SMAD1: variants seen among roughly 807,000 people sequenced by gnomAD.
SMAD1 encodes the protein MAD, mothers against decapentaplegic homolog 1.
Under a neutral mutation model 41.6 loss-of-function variants are expected in SMAD1, and 6 were observed. That is an observed-to-expected ratio of 0.14 (90% CI 0.08 to 0.28). The LOEUF is 0.28. Ranked by LOEUF, SMAD1 falls within the 10% of genes least tolerant of loss-of-function variation. SMAD1 has a pLI of 1.00. For synonymous variants in SMAD1, 206 were observed against 203.2 expected (o/e 1.01, Z -0.12); for missense variants, 379 against 582.6 (o/e 0.65, Z 3.60).
intron 1 of SMAD1, among the ~76,000 whole-genome samples, chr4:145,494,190 G>A (rs1473840829): frequency 1.3e-5 from 2 of 152,146 alleles, no homozygotes; most frequent in African/African-American, 4.8e-5. Flanking sequence ...TCGAACTCCT[G>A]ACCTTGGGAC....
At position 145,518,503 on chromosome 4, in the gene SMAD1, A is replaced by T. The variant is rs1047468233; in HGVS notation, c.400+3490A>T. Among the ~76,000 whole-genome samples, 3 of 85,406 alleles carry T rather than the reference A, an allele frequency of 3.5e-5. 1 individual carries two copies. The highest frequency in any genetic ancestry group is 6.6e-5 in the Non-Finnish European group (3 of 45,524). 56.0% of individuals were successfully genotyped at this position (85,406 alleles called of 152,430 possible). ...AAACTCCATCTCAAAAAAAAAAAAT[A>T]AAAATGTGCAAGGTGACTTAGCCCC... On this transcript the variant is annotated intron_variant, in intron 2 of 6. Coordinates refer to ENST00000302085, the MANE Select transcript of SMAD1 (RefSeq NM_005900.3).
chr4:145,500,550 A>G (rs72946716), intron 1 of SMAD1, among the ~76,000 whole-genome samples: 27,043 of 151,930 alleles, frequency 0.18, 5,482 homozygotes, highest in African/African-American at 0.49. Flanking sequence ...TACCACATTC[A>G]CGACGAGGCT....
rs1201607497 is a variant in SMAD1, at chr4:145,539,882, G to A, written c.479G>A (p.Gly160Glu). The change falls in exon 3 of 7, where the codon GGA becomes GAA. Residue 160 changes from glycine to glutamate, a missense_variant. This residue lies in a region of SMAD1 where 208 missense variants were observed against 210.5 expected (regional missense o/e 0.99). Transcript: ENST00000302085. ...CTCTTAGCTCAGTTCCGTAACTTAG[G>A]ACAAAATGAGCCTCACATGCCACTC... Reference protein sequence around the residue: ...HSLLAQFRNLGQNEPHMPLNA... With the variant: ...HSLLAQFRNLEQNEPHMPLNA... The A allele has an allele frequency of 6.2e-7, 1 of 1,613,892 alleles. No individual in the cohort carries two copies. The highest frequency in any genetic ancestry group is 1.1e-5 in the South Asian group (1 of 91,072).
intron 1 of SMAD1, among the ~76,000 whole-genome samples, chr4:145,493,781 A>G (rs1387579295): frequency 2.6e-5 from 4 of 152,194 alleles, no homozygotes; most frequent in Non-Finnish European, 5.9e-5. Context: ...GCACTGGACT[A>G]TGTTTTGGAT....
chr4:145,543,625 A>G (rs1732075120), intron 4 of SMAD1, among the ~76,000 whole-genome samples: 1 of 152,166 alleles, frequency 6.6e-6, no homozygotes, highest in Non-Finnish European at 1.5e-5. Flanking sequence ...CCAGCGCTGT[A>G]TATATCCTTA....
chr4:145,547,598 G>A (rs1345646501), intron 5 of SMAD1, among the ~76,000 whole-genome samples: 1 of 152,182 alleles, frequency 6.6e-6, no homozygotes, highest in Non-Finnish European at 1.5e-5. Flanking sequence ...TAGTAAACTT[G>A]ATTATTTCAT....
At chr4:145,557,439 G>A (rs940678280) in intron 6 of SMAD1, among the ~76,000 whole-genome samples, 1 of 152,130 alleles carries the variant, frequency 6.6e-6, no homozygotes, top group African/African-American at 2.4e-5. Flanking sequence ...GATAAAATGA[G>A]AATTTAATAA....
Position 145,526,074 on chromosome 4 carries a change from G to T in SMAD1, c.400+11061G>T, listed in dbSNP as rs541532538. Among the ~76,000 whole-genome samples, 7 of 152,304 alleles carry T rather than the reference G, an allele frequency of 4.6e-5. No individual in the cohort carries two copies. The East Asian group carries it at 1.3e-3, about 29-fold the overall frequency. On this transcript the variant is annotated intron_variant, in intron 2 of 6. Coordinates refer to ENST00000302085, the MANE Select transcript of SMAD1 (RefSeq NM_005900.3). ...TTCTTTATTCTTTCGCATGAGAAAA[G>T]ACATTTTTTTATCTAAATTGTGGCC...
In SMAD1 at chr4:145,539,654, T is replaced by G; in HGVS notation, c.401-150T>G. ...CATTTGTTCTTGAGGGTAAAATAGCTTTTCATTTGAATGATGCTTTTGAGT... is the reference window on the plus strand; with the variant it reads ...CATTTGTTCTTGAGGGTAAAATAGCGTTTCATTTGAATGATGCTTTTGAGT... On this transcript the variant is annotated intron_variant, in intron 2 of 6. Transcript: ENST00000302085. 2.6e-5 allele frequency: 19 copies of G among 728,116 alleles called. 1 individual carries two copies. Among genetic ancestry groups the G allele is most frequent in the Middle Eastern group, 3.9e-4 (1 of 2,558 alleles). The allele number at this position is 728,116 out of a possible 1,614,324, so 45.1% of individuals were successfully genotyped here. A position where few individuals can be genotyped will look rare whatever the true frequency, so the allele number is the denominator to read the frequency against.
intron 1 of SMAD1, among the ~76,000 whole-genome samples, chr4:145,487,098 G>A (rs1728514929): frequency 6.6e-6 from 1 of 152,112 alleles, no homozygotes; most frequent in Non-Finnish European, 1.5e-5. Flanking sequence ...TTTTCATTCT[G>A]GAGATGGAAA....
chr4:145,484,798 TATAAA>T (rs966932358), intron 1 of SMAD1: 2 of 152,198 alleles, frequency 1.3e-5, no homozygotes, highest in African/African-American at 4.8e-5. Flanking sequence ...TTAGGGACCT[TATAAA>T]ATATCAGTGG....
intron 1 of SMAD1, among the ~76,000 whole-genome samples, chr4:145,503,690 G>T (rs529017624): frequency 6.6e-6 from 1 of 152,118 alleles, no homozygotes. Flanking sequence ...TCCTTATAAC[G>T]TTGATGAGAA....
chr4:145,494,700 G>T (rs892426753), intron 1 of SMAD1, among the ~76,000 whole-genome samples: 2 of 152,194 alleles, frequency 1.3e-5, no homozygotes, highest in Non-Finnish European at 2.9e-5. Context: ...CACACAGTAG[G>T]TACTTGGTGA....
chr4:145,483,436 C>T (rs1461849244), intron 1 of SMAD1, among the ~76,000 whole-genome samples: 2 of 152,134 alleles, frequency 1.3e-5, no homozygotes, highest in Admixed American at 1.3e-4. Context: ...GTTGATTTTT[C>T]AAATTGTTTG....
At chr4:145,522,957 G>C (rs560655812) in intron 2 of SMAD1, among the ~76,000 whole-genome samples, 1 of 152,106 alleles carries the variant, frequency 6.6e-6, no homozygotes, top group Non-Finnish European at 1.5e-5. Flanking sequence ...GATTACAGGC[G>C]TGAGCCACCG....
At chr4:145,533,817 T>C (rs765716998) in intron 2 of SMAD1, among the ~76,000 whole-genome samples, 3 of 152,200 alleles carry the variant, frequency 2.0e-5, no homozygotes, top group Non-Finnish European at 2.9e-5. Context: ...CCTCATTTAA[T>C]CTCATTGAAA....
At chr4:145,512,840 G>A (rs1560737585) in intron 1 of SMAD1, among the ~76,000 whole-genome samples, 1 of 152,170 alleles carries the variant, frequency 6.6e-6, no homozygotes, top group Non-Finnish European at 1.5e-5. Context: ...TTCCTCTACA[G>A]AGAATTTGTT....
chr4:145,546,065 A>T (rs529601013), intron 4 of SMAD1: 1 of 152,658 alleles, frequency 6.6e-6, no homozygotes, highest in South Asian at 2.1e-4. Context: ...CTGGATGAGA[A>T]AGATATGATT....
intron 1 of SMAD1, among the ~76,000 whole-genome samples, chr4:145,506,178 AAG>A (rs1262500236): frequency 6.6e-6 from 1 of 152,176 alleles, no homozygotes; most frequent in Non-Finnish European, 1.5e-5. Flanking sequence ...CTTTAAAAAA[AAG>A]AAAAAAAAAG....
Sources: gnomAD v4.1 joint callset for allele counts (sites outside exome capture counted in the v4.1 genomes callset) on GRCh38, gnomAD v4.1.1 for gene constraint, gnomAD v4.1.1 regional missense constraint, MANE v1.5 for transcripts, NCBI Gene and HGNC (gene_info 2026-07-23, HGNC 2026-07-21) for gene names.